Variants in GRID2 observed in about 807,000 individuals in gnomAD.
GRID2 encodes glutamate receptor ionotropic, delta-2.
In GRID2, 33 loss-of-function variants were observed where a neutral mutation model predicts 114.8. The ratio of observed to expected loss-of-function variants is 0.29; its 90% confidence interval spans 0.22 to 0.38. The LOEUF is 0.38. Ranked by LOEUF, GRID2 falls within the 10% of genes least tolerant of loss-of-function variation. The probability of loss-of-function intolerance (pLI) is 1.00; values close to 1 mark genes in which losing one functional copy is unlikely to be tolerated. For synonymous variants in GRID2, 505 were observed against 449.9 expected, an observed-to-expected ratio of 1.12 and a Z score of -1.55; for missense variants, 1,184 against 1,257.7, an observed-to-expected ratio of 0.94 and a Z score of 0.89.
chr4:93,383,181 G>A (rs976046200), intron 8 of GRID2, among the ~76,000 whole-genome samples: 1 of 152,142 alleles, frequency 6.6e-6, no homozygotes, highest in Non-Finnish European at 1.5e-5. Flanking sequence ...CAGCCAGAGG[G>A]GTAGGGGTGT....
intron 1 of GRID2, among the ~76,000 whole-genome samples, chr4:92,366,695 A>G (rs1033358945): frequency 6.6e-5 from 10 of 152,114 alleles, no homozygotes; most frequent in African/African-American, 2.4e-4. Flanking sequence ...TAAAAGACCT[A>G]AAGGTAAGAC....
chr4:93,259,753 G>A (rs973948336), intron 8 of GRID2, among the ~76,000 whole-genome samples: 2 of 151,688 alleles, frequency 1.3e-5, no homozygotes, highest in African/African-American at 4.8e-5. Context: ...AGAAGGTTAG[G>A]CTAAATAGCC....
chr4:93,347,156 T>C (rs1242322540), intron 8 of GRID2, among the ~76,000 whole-genome samples: 3 of 151,992 alleles, frequency 2.0e-5, no homozygotes, highest in African/African-American at 4.8e-5. Context: ...AGGAGTGGGA[T>C]CTAACTCTCA....
chr4:92,493,317 A>C (rs902457478), intron 1 of GRID2, among the ~76,000 whole-genome samples: 6 of 152,132 alleles, frequency 3.9e-5, no homozygotes, highest in Non-Finnish European at 7.4e-5. Context: ...GATGTCTTTC[A>C]AAAATATTCT....
chr4:93,261,445 G>A (rs1750245115), intron 8 of GRID2, among the ~76,000 whole-genome samples: 1 of 151,794 alleles, frequency 6.6e-6, no homozygotes, highest in Non-Finnish European at 1.5e-5. Context: ...CAGGTTGTGA[G>A]TTCTAGATGA....
chr4:93,025,148 G>A (rs1318106499), intron 2 of GRID2, among the ~76,000 whole-genome samples: 1 of 151,308 alleles, frequency 6.6e-6, no homozygotes, highest in Non-Finnish European at 1.5e-5. Flanking sequence ...GGTAAAGAGA[G>A]GGAGAGAAAG....
chr4:92,571,479 C>T (rs955953129), intron 1 of GRID2, among the ~76,000 whole-genome samples: 16 of 151,936 alleles, frequency 1.1e-4, no homozygotes, highest in Non-Finnish European at 1.9e-4. Flanking sequence ...ATCAATGAGA[C>T]AGAAAGTTAA....
At chr4:93,777,365 T>A (rs1302011200), downstream of GRID2, among the ~76,000 whole-genome samples, 1 of 152,216 alleles carries the variant, frequency 6.6e-6, no homozygotes, top group African/African-American at 2.4e-5. Flanking sequence ...TTGTTCACAT[T>A]TGAGAATTTT....
chr4:93,592,597 A>T (rs1738505340), intron 13 of GRID2, among the ~76,000 whole-genome samples: 1 of 152,028 alleles, frequency 6.6e-6, no homozygotes, highest in Admixed American at 6.5e-5. Context: ...GCTGAGTTCA[A>T]TTCCTCGGTA....
intron 1 of GRID2, among the ~76,000 whole-genome samples, chr4:92,323,070 T>C (rs780502389): frequency 6.6e-6 from 1 of 152,064 alleles, no homozygotes; most frequent in African/African-American, 2.4e-5. Flanking sequence ...CTCAAATGCT[T>C]TTACAAGTAT....
chr4:93,383,096 C>T (rs1018103115), intron 8 of GRID2, among the ~76,000 whole-genome samples: 1 of 151,972 alleles, frequency 6.6e-6, no homozygotes, highest in Non-Finnish European at 1.5e-5. Flanking sequence ...TTAATGTCTA[C>T]CTCCAAAAAG....
At chr4:93,006,533 T>G (rs572805977) in intron 2 of GRID2, among the ~76,000 whole-genome samples, 3 of 152,058 alleles carry the variant, frequency 2.0e-5, no homozygotes, top group Non-Finnish European at 2.9e-5. Context: ...GAAAATTCTT[T>G]GGTGGCTCTG....
chr4:92,550,555 G>T (rs2149172252), intron 1 of GRID2, among the ~76,000 whole-genome samples: 1 of 152,224 alleles, frequency 6.6e-6, no homozygotes, highest in African/African-American at 2.4e-5. Context: ...ATTTATTAAT[G>T]ATTGTTTACT....
At chr4:92,941,372 T>C (rs527453784) in intron 2 of GRID2, among the ~76,000 whole-genome samples, 37 of 152,188 alleles carry the variant, frequency 2.4e-4, no homozygotes, top group Non-Finnish European at 4.9e-4. Context: ...GTTTATAGTA[T>C]TCTCTGATGG....
chr4:93,188,181 ACTC>A (rs2149444005), intron 4 of GRID2, among the ~76,000 whole-genome samples: 1 of 152,068 alleles, frequency 6.6e-6, no homozygotes, highest in East Asian at 1.9e-4. Flanking sequence ...TGGTGGCCCC[ACTC>A]CTGTGGCTGT....
At position 93,220,691 on chromosome 4, in the gene GRID2, C is replaced by T. The variant is rs186651094; in HGVS notation, c.963+3780C>T. On this transcript the variant is annotated intron_variant, in intron 6 of 15. Coordinates refer to ENST00000282020, the MANE Select transcript of GRID2 (RefSeq NM_001510.4). ...ACTTCCTGATATCCACAACCTACCA[C>T]CAGGGTTTCTTTTGTCCAGAGTTTG... 5.2e-3 allele frequency among the ~76,000 whole-genome samples: 785 copies of T among 152,166 alleles called. 6 individuals are homozygous for T. The highest frequency in any genetic ancestry group is 7.0e-3 in the Non-Finnish European group (477 of 67,996).
At chr4:93,207,532 T>C in intron 5 of GRID2, 75 bp downstream of exon 5, 1 of 922,948 alleles carries the variant, frequency 1.1e-6, no homozygotes, top group East Asian at 2.5e-5. Context: ...TCCAATGGCC[T>C]TGAATTTTTA....
At chr4:92,939,833 C>A (rs879297274) in intron 2 of GRID2, among the ~76,000 whole-genome samples, 1 of 147,304 alleles carries the variant, frequency 6.8e-6, no homozygotes, top group African/African-American at 2.4e-5. Context: ...ATCCTTTCCT[C>A]ATTTCTTGTT....
intron 13 of GRID2, among the ~76,000 whole-genome samples, chr4:93,567,220 T>C (rs905265734): frequency 4.6e-5 from 7 of 152,354 alleles, no homozygotes; most frequent in Admixed American, 6.5e-5. Flanking sequence ...ACTTCACTTA[T>C]AGTAAATTTA....
Sources: allele counts gnomAD v4.1 joint callset (sites outside exome capture counted in the v4.1 genomes callset), GRCh38; gene constraint gnomAD v4.1.1; transcripts MANE v1.5; gene names NCBI Gene and HGNC (gene_info 2026-07-23, HGNC 2026-07-21).